Variants in FCHO2 observed in about 807,000 individuals in gnomAD.
The protein encoded by FCHO2 is FCH and mu domain containing endocytic adaptor 2.
A neutral mutation model predicts 114.1 loss-of-function variants in FCHO2; 43 were observed. The observed-to-expected ratio is 0.38, with a 90% CI of 0.30 to 0.49. The LOEUF (loss-of-function observed/expected upper bound fraction) is 0.49. Ranked by LOEUF, FCHO2 falls within the 20% of genes least tolerant of loss-of-function variation. The probability of loss-of-function intolerance (pLI) is 0.97; values close to 1 mark genes in which losing one functional copy is unlikely to be tolerated. For missense variants in FCHO2, 807 were observed against 950.4 expected (o/e 0.85, Z 1.98); for synonymous variants, 293 against 315.2 (o/e 0.93, Z 0.75).
chr5:73,010,667 A>G (rs944958994), intron 6 of FCHO2, among the ~76,000 whole-genome samples: 2 of 152,022 alleles, frequency 1.3e-5, no homozygotes, highest in Non-Finnish European at 2.9e-5. Context: ...ACCTGAAGTC[A>G]GGAGTTCAAG....
chr5:73,052,090 AT>A (rs369890218), intron 12 of FCHO2, among the ~76,000 whole-genome samples: 44 of 151,706 alleles, frequency 2.9e-4, no homozygotes, highest in East Asian at 2.8e-3. Context: ...TGCCGAGCTA[AT>A]TTTTTGTATT....
intron 10 of FCHO2, among the ~76,000 whole-genome samples, chr5:73,039,757 A>C (rs1045302911): frequency 6.6e-6 from 1 of 151,674 alleles, no homozygotes; most frequent in Non-Finnish European, 1.5e-5. Context: ...GTGAAACCCT[A>C]TCTCTACTAA....
chr5:73,000,200 CG>C (rs1561436521), intron 5 of FCHO2, among the ~76,000 whole-genome samples: 1 of 152,052 alleles, frequency 6.6e-6, no homozygotes, highest in African/African-American at 2.4e-5. Flanking sequence ...AGGCCAGGCA[CG>C]GTGGCTCATT....
In FCHO2 at chr5:73,058,528, AAT is replaced by A; in HGVS notation, c.1345+13_1345+14del. ...TCACTAACTTCATCATCATCAGGTAAATATATATATGTATATATGTATTTTTT... is the reference window on the plus strand; with the variant it reads ...TCACTAACTTCATCATCATCAGGTAAATATATATGTATATATGTATTTTTT... On this transcript the variant is annotated splice_donor_5th_base_variant and intron_variant, in intron 17 of 25. Coordinates refer to ENST00000430046, the MANE Select transcript of FCHO2 (RefSeq NM_138782.3). 8.5e-7 allele frequency: 1 copy of A among 1,176,690 alleles called. No individual in the cohort carries two copies. Among genetic ancestry groups the A allele is most frequent in the Non-Finnish European group, 1.2e-6 (1 of 819,306 alleles). 72.9% of individuals were successfully genotyped at this position (1,176,690 alleles called of 1,614,324 possible).
intron 5 of FCHO2, among the ~76,000 whole-genome samples, chr5:72,994,799 T>A (rs1295393107): frequency 6.6e-6 from 1 of 152,210 alleles, no homozygotes; most frequent in Non-Finnish European, 1.5e-5. Flanking sequence ...AGAATGAGAT[T>A]ATATCTTTTG....
At chr5:73,037,412 A>G (rs1756573517) in intron 10 of FCHO2, among the ~76,000 whole-genome samples, 197 bp downstream of exon 10, 1 of 152,004 alleles carries the variant, frequency 6.6e-6, no homozygotes, top group South Asian at 2.1e-4. Context: ...ATTATTAATT[A>G]TTTGAAAATG....
intron 18 of FCHO2, among the ~76,000 whole-genome samples, chr5:73,066,609 G>A (rs1232683123): frequency 9.1e-6 from 1 of 109,586 alleles, no homozygotes; most frequent in Non-Finnish European, 1.8e-5. Context: ...GCTCATATGT[G>A]CATTTTTCTG....
rs1751683245 is a variant in FCHO2 at position 72,958,550 on chromosome 5, C to CAGT, written c.33+2423_33+2425dup. 3.9e-5 allele frequency among the ~76,000 whole-genome samples: 6 copies of CAGT among 152,242 alleles called. No homozygotes were observed. The South Asian group carries it at 1.2e-3, about 32-fold the overall frequency. ...TTCCATTGTCTTCCCTTACGACAGC[C>CAGT]AGTAACACACAGTTTGGATTGCTGT... is the stretch of plus-strand genomic sequence containing the variant. On this transcript the variant is annotated intron_variant, in intron 1 of 25. Transcript: ENST00000430046.
At chr5:72,994,959 G>GA (rs1754005367) in intron 5 of FCHO2, among the ~76,000 whole-genome samples, 1 of 152,100 alleles carries the variant, frequency 6.6e-6, no homozygotes, top group African/African-American at 2.4e-5. Context: ...TACTGGAGGA[G>GA]AGAGGGTGGG....
intron 22 of FCHO2, among the ~76,000 whole-genome samples, chr5:73,080,668 C>T (rs1743063822): frequency 7.4e-6 from 1 of 134,868 alleles, no homozygotes; most frequent in Admixed American, 7.1e-5. Flanking sequence ...ATTAAAATGG[C>T]TTGTTTCTAG....
chr5:73,085,835 G>A (rs1743289505), intron 24 of FCHO2, among the ~76,000 whole-genome samples: 2 of 146,222 alleles, frequency 1.4e-5, no homozygotes, highest in African/African-American at 5.0e-5. Flanking sequence ...TAAGAATGCT[G>A]TAAAATAGGC....
At chr5:73,003,989 A>G (rs916910694) in intron 5 of FCHO2, among the ~76,000 whole-genome samples, 6 of 144,880 alleles carry the variant, frequency 4.1e-5, no homozygotes, top group African/African-American at 1.3e-4. Context: ...CGGAGGTTGC[A>G]GTGAGCCAAG....
chr5:73,006,698 C>T (rs1754738413), intron 6 of FCHO2, 149 bp downstream of exon 6: 2 of 546,962 alleles, frequency 3.7e-6, no homozygotes, highest in Non-Finnish European at 6.2e-6. Context: ...ATACATGTCG[C>T]GTTTTGGAGA....
intron 8 of FCHO2, chr5:73,020,897 G>T (rs1225109851): frequency 3.3e-6 from 4 of 1,218,482 alleles, no homozygotes; most frequent in Non-Finnish European, 4.9e-6. Flanking sequence ...CCACGGGAGA[G>T]CTTATCATCT....
At chr5:73,050,589 C>A (rs1283047077) in intron 11 of FCHO2, among the ~76,000 whole-genome samples, 3 of 152,100 alleles carry the variant, frequency 2.0e-5, no homozygotes, top group Admixed American at 2.0e-4. Context: ...AGTGCTGGAA[C>A]TACAGGCGTG....
intron 8 of FCHO2, chr5:73,020,774 T>G (rs62362164): frequency 0.14 from 145,436 of 1,011,922 alleles, 11,698 homozygotes; most frequent in Non-Finnish European, 0.17. Context: ...GTGAGAGATA[T>G]GGCACTGTCC....
intron 19 of FCHO2, among the ~76,000 whole-genome samples, chr5:73,071,838 G>A (rs989619759): frequency 2.6e-5 from 4 of 152,022 alleles, no homozygotes; most frequent in Non-Finnish European, 5.9e-5. Context: ...GCTTGCCAAT[G>A]TTTCAGTAAT....
At chr5:72,991,353 T>C (rs114991078) in intron 5 of FCHO2, among the ~76,000 whole-genome samples, 1,965 of 152,332 alleles carry the variant, frequency 0.013, 48 homozygotes, top group African/African-American at 0.045. Context: ...CATGAGCCAC[T>C]ACACCCAACC....
At chr5:73,057,221 T>C (rs1011723013) in intron 16 of FCHO2, among the ~76,000 whole-genome samples, 2 of 152,144 alleles carry the variant, frequency 1.3e-5, no homozygotes, top group African/African-American at 4.8e-5. Flanking sequence ...CCATCAAGCC[T>C]GGCCAGAGTT....
Sources: gnomAD v4.1 joint callset for allele counts (sites outside exome capture counted in the v4.1 genomes callset) on GRCh38, gnomAD v4.1.1 for gene constraint, MANE v1.5 for transcripts, NCBI Gene and HGNC (gene_info 2026-07-23, HGNC 2026-07-21) for gene names.